The following RPIA variants were observed in gnomAD, a reference collection of about 807,000 sequenced individuals.
RPIA encodes the protein ribose-5-phosphate isomerase.
A neutral mutation model predicts 37.8 loss-of-function variants in RPIA; 29 were observed. The ratio of observed to expected loss-of-function variants is 0.77; its 90% CI spans 0.57 to 1.05. RPIA has a LOEUF of 1.05. RPIA is among the 50% of genes least tolerant of loss of function. RPIA has a pLI of 0.00. For missense variants in RPIA, 385 were observed against 413.6 expected (o/e 0.93, Z 0.60); for synonymous variants, 167 against 157.0 (o/e 1.06, Z -0.48).
intron 8 of RPIA, among the ~76,000 whole-genome samples, chr2:88,747,425 C>T (rs1673451038): frequency 6.6e-6 from 1 of 152,222 alleles, no homozygotes; most frequent in African/African-American, 2.4e-5. Context: ...GTGGGTTCTT[C>T]ATTTGTATCT....
At chr2:88,744,359 T>G (rs1327845985) in intron 8 of RPIA, among the ~76,000 whole-genome samples, 4 of 152,234 alleles carry the variant, frequency 2.6e-5, no homozygotes, top group African/African-American at 9.6e-5. Context: ...TCCACTGTGA[T>G]CTGTGAGAGT....
intron 5 of RPIA, 116 bp downstream of exon 5, chr2:88,734,732 C>T (rs1673294862): frequency 1.8e-6 from 2 of 1,104,506 alleles, no homozygotes; most frequent in African/African-American, 3.1e-5. Flanking sequence ...TTGTCTTTCT[C>T]CTAGGATATT....
At chr2:88,698,358 A>G in intron 1 of RPIA, 126 bp from the exon 2 acceptor site, 1 of 825,148 alleles carries the variant, frequency 1.2e-6, no homozygotes, top group South Asian at 1.4e-5. Flanking sequence ...TAGGCACAGT[A>G]CCTGTCTTGT....
chr2:88,734,634 T>C lies in RPIA; in HGVS notation c.527+18T>C. The stretch of plus-strand genomic sequence containing the variant: ...GGTGGCGGGTGAGTGTTGTGGGGGC[T>C]TCTGTGCTAAAGAGTATCTGCCAGT... On this transcript the variant is annotated intron_variant, in intron 5 of 8. Transcript: ENST00000283646. The C allele has an allele frequency of 1.2e-6, 2 of 1,613,486 alleles. No individual in the cohort carries two copies. Among genetic ancestry groups the C allele is most frequent in the East Asian group, 2.2e-5 (1 of 44,872 alleles).
chr2:88,726,618 A>G (rs1473752951), intron 3 of RPIA, among the ~76,000 whole-genome samples: 1 of 152,180 alleles, frequency 6.6e-6, no homozygotes, highest in Non-Finnish European at 1.5e-5. Context: ...TGTATGCAAT[A>G]TTTTATAAGT....
At chr2:88,729,657 G>A (rs1236564789) in intron 4 of RPIA, among the ~76,000 whole-genome samples, 11 of 152,196 alleles carry the variant, frequency 7.2e-5, no homozygotes, top group Non-Finnish European at 1.6e-4. Flanking sequence ...AGCTCATGGA[G>A]CTTGCCACTA....
intron 3 of RPIA, among the ~76,000 whole-genome samples, chr2:88,726,547 T>C (rs1236542451): frequency 1.3e-5 from 2 of 152,168 alleles, no homozygotes; most frequent in Non-Finnish European, 2.9e-5. Context: ...TGTTACTATC[T>C]TCAGTGTCTG....
At chr2:88,717,646 C>G (rs1406668099) in intron 3 of RPIA, among the ~76,000 whole-genome samples, 1 of 152,058 alleles carries the variant, frequency 6.6e-6, no homozygotes, top group Non-Finnish European at 1.5e-5. Context: ...TTTGGGGCCC[C>G]AAGATTTATT....
chr2:88,747,437 C>T (rs1414191877), intron 8 of RPIA, among the ~76,000 whole-genome samples: 5 of 152,198 alleles, frequency 3.3e-5, no homozygotes, highest in Admixed American at 3.3e-4. Flanking sequence ...TTTGTATCTG[C>T]ACTTCCCATT....
chr2:88,695,080 G>A (rs1226221066), intron 1 of RPIA, among the ~76,000 whole-genome samples: 7 of 152,106 alleles, frequency 4.6e-5, no homozygotes, highest in African/African-American at 1.7e-4. Flanking sequence ...AGGATGGTGT[G>A]CCTAGAGAGA....
chr2:88,696,545 ATATATTGTATATCTTG>A (rs1672750409), intron 1 of RPIA, among the ~76,000 whole-genome samples: 1 of 151,980 alleles, frequency 6.6e-6, no homozygotes, highest in South Asian at 2.1e-4. Flanking sequence ...TATATACAAG[ATATATTGTATATCTTG>A]TATATATATT....
At chr2:88,740,408 A>T (rs1215180284) in intron 8 of RPIA, among the ~76,000 whole-genome samples, 1 of 152,230 alleles carries the variant, frequency 6.6e-6, no homozygotes, top group Non-Finnish European at 1.5e-5. Flanking sequence ...CAGGACAATC[A>T]GAGTGGTTTG....
chr2:88,707,216 G>A (rs533505376), intron 3 of RPIA, among the ~76,000 whole-genome samples: 3 of 152,070 alleles, frequency 2.0e-5, no homozygotes, highest in Middle Eastern at 6.8e-3. Context: ...TTATCTTTTT[G>A]TGTAGCTTCC....
At chr2:88,739,368 T>C (rs1257371367) in intron 8 of RPIA, among the ~76,000 whole-genome samples, 1 of 152,178 alleles carries the variant, frequency 6.6e-6, no homozygotes, top group African/African-American at 2.4e-5. Flanking sequence ...CCCGAGTTTC[T>C]TCCTATGTAG....
rs1673497270 is a variant in RPIA at position 88,750,858 on chromosome 2, T to C, written c.*780T>C. ...TTTTCTCTGTTCCTTTGTTATTACT[T>C]GCATGGTTTGGCGTCAGAAGTCCTT... On this transcript the variant is annotated 3_prime_UTR_variant, in exon 9 of 9. Coordinates refer to ENST00000283646, the MANE Select transcript of RPIA (RefSeq NM_144563.3). 2.5e-6 allele frequency: 1 copy of C among 397,486 alleles called. No homozygotes were observed. The highest frequency in any genetic ancestry group is 6.3e-4 in the Middle Eastern group (1 of 1,584). The allele number at this position is 397,486 out of a possible 1,614,324, so 24.6% of individuals were successfully genotyped here. A position where few individuals can be genotyped will look rare whatever the true frequency, so the allele number is the denominator to read the frequency against.
At chr2:88,739,752 G>A in intron 8 of RPIA, among the ~76,000 whole-genome samples, 1 of 151,996 alleles carries the variant, frequency 6.6e-6, no homozygotes, top group East Asian at 1.9e-4. Flanking sequence ...CCAGTAGATG[G>A]GACTGCAGAC....
chr2:88,708,183 G>A (rs1485219117), intron 3 of RPIA, among the ~76,000 whole-genome samples: 3 of 152,184 alleles, frequency 2.0e-5, no homozygotes, highest in Non-Finnish European at 4.4e-5. Context: ...GGGCAATGTT[G>A]TCTATCAGGT....
At chr2:88,742,305 G>T (rs1302174554) in intron 8 of RPIA, among the ~76,000 whole-genome samples, 3 of 152,168 alleles carry the variant, frequency 2.0e-5, no homozygotes, top group Non-Finnish European at 4.4e-5. Context: ...GTTGAATAGG[G>T]TGTCCTTTCC....
chr2:88,741,082 T>G (rs1673376400), intron 8 of RPIA, among the ~76,000 whole-genome samples: 1 of 152,164 alleles, frequency 6.6e-6, no homozygotes, highest in South Asian at 2.1e-4. Flanking sequence ...ATTTCAATAG[T>G]TGTTGGGAAA....
Sources: allele counts gnomAD v4.1 joint callset (sites outside exome capture counted in the v4.1 genomes callset), GRCh38; gene constraint gnomAD v4.1.1; transcripts MANE v1.5; gene names NCBI Gene and HGNC (gene_info 2026-07-23, HGNC 2026-07-21).